Variants in NEGR1 observed in about 807,000 individuals in gnomAD.
NEGR1 encodes the protein IgLON family member 4.
NEGR1 carries 10 observed loss-of-function variants against 40.9 expected under a neutral mutation model. That is an observed-to-expected ratio of 0.24 (90% CI 0.15 to 0.42). The LOEUF is 0.42. Ranked by LOEUF, NEGR1 falls within the 10% of genes least tolerant of loss-of-function variation. The probability of loss-of-function intolerance (pLI) is 1.00; values close to 1 mark genes in which losing one functional copy is unlikely to be tolerated. For missense variants in NEGR1, 352 were observed against 438.9 expected, an observed-to-expected ratio of 0.80 and a Z score of 1.77; for synonymous variants, 185 against 166.8, an observed-to-expected ratio of 1.11 and a Z score of -0.84.
chr1:71,927,817 CT>C (rs1645789520), intron 2 of NEGR1, among the ~76,000 whole-genome samples: 1 of 33,298 alleles, frequency 3.0e-5, no homozygotes, highest in African/African-American at 1.9e-4. Flanking sequence ...GACCCAATCT[CT>C]AAAAAAAAAA....
rs1448933901 is a variant in NEGR1 at position 71,399,070 on chromosome 1, G to C, written c.*8376C>G. ...TGTCTCGGGTATATCTTTATCAGCA[G>C]TGTGAAAACTGACTAATATACCACT... On this transcript the variant is annotated 3_prime_UTR_variant, in exon 7 of 7. Transcript: ENST00000357731. 2 of 152,102 alleles carry C rather than the reference G, an allele frequency of 1.3e-5. No individual in the cohort carries two copies. Among genetic ancestry groups the C allele is most frequent in the African/African-American group, 4.8e-5 (2 of 41,402 alleles). 9.4% of individuals were successfully genotyped at this position (152,102 alleles called of 1,614,324 possible).
intron 2 of NEGR1, among the ~76,000 whole-genome samples, chr1:71,844,839 C>T (rs572044104): frequency 6.6e-6 from 1 of 152,142 alleles, no homozygotes; most frequent in Non-Finnish European, 1.5e-5. Flanking sequence ...AACCCCAGGA[C>T]AGAGATTGTC....
chr1:72,228,846 A>AGGGAGGTC, intron 1 of NEGR1, among the ~76,000 whole-genome samples: 1 of 152,100 alleles, frequency 6.6e-6, no homozygotes. Context: ...CTTCTTAAGG[A>AGGGAGGTC]GGGAGGTCAG....
intron 1 of NEGR1, among the ~76,000 whole-genome samples, chr1:72,020,126 G>T (rs977515657): frequency 7.2e-5 from 11 of 152,098 alleles, no homozygotes; most frequent in Non-Finnish European, 1.5e-5. Context: ...AAGCATCATC[G>T]ATTTTGAGAA....
intron 6 of NEGR1, among the ~76,000 whole-genome samples, chr1:71,454,674 G>C (rs535877333): frequency 1.1e-4 from 16 of 152,136 alleles, no homozygotes; most frequent in Non-Finnish European, 2.1e-4. Flanking sequence ...GGACCAGAAG[G>C]TCCAGCTTCA....
chr1:72,232,076 C>T (rs993582730), intron 1 of NEGR1, among the ~76,000 whole-genome samples: 1 of 151,984 alleles, frequency 6.6e-6, no homozygotes. Flanking sequence ...AGCTTTGGGG[C>T]CGGGCACAGT....
At chr1:71,485,159 T>C (rs999593266) in intron 6 of NEGR1, among the ~76,000 whole-genome samples, 1 of 151,738 alleles carries the variant, frequency 6.6e-6, no homozygotes, top group African/African-American at 2.4e-5. Context: ...ATTGTGTGTG[T>C]GAGGAGGTAA....
intron 3 of NEGR1, among the ~76,000 whole-genome samples, chr1:71,746,800 C>A (rs1184903424): frequency 1.8e-4 from 27 of 151,600 alleles, no homozygotes; most frequent in Admixed American, 1.8e-3. Context: ...ACACAGATTT[C>A]TAAAGTTTCC....
intron 6 of NEGR1, among the ~76,000 whole-genome samples, chr1:71,450,012 A>T (rs866293865): frequency 2.1e-5 from 3 of 145,262 alleles, no homozygotes; most frequent in Non-Finnish European, 4.5e-5. Flanking sequence ...TTTTTTTGAG[A>T]CGGAGTCTTG....
At chr1:71,589,546 T>A (rs997338711) in intron 6 of NEGR1, among the ~76,000 whole-genome samples, 1 of 152,104 alleles carries the variant, frequency 6.6e-6, no homozygotes, top group African/African-American at 2.4e-5. Context: ...AATTTCTACC[T>A]CCTTTTAAAA....
chr1:72,127,268 T>C (rs1379508906), intron 1 of NEGR1, among the ~76,000 whole-genome samples: 2 of 151,734 alleles, frequency 1.3e-5, no homozygotes, highest in Non-Finnish European at 2.9e-5. Flanking sequence ...ATTGAGACCA[T>C]CCTGGCTAAC....
intron 3 of NEGR1, among the ~76,000 whole-genome samples, chr1:71,734,066 G>T (rs1333230710): frequency 6.6e-6 from 1 of 152,170 alleles, no homozygotes; most frequent in African/African-American, 2.4e-5. Flanking sequence ...TTCACTTATT[G>T]TAGTACAGGA....
intron 3 of NEGR1, among the ~76,000 whole-genome samples, chr1:71,764,961 G>A (rs193281025): frequency 1.6e-4 from 25 of 152,144 alleles, no homozygotes; most frequent in African/African-American, 5.8e-4. Flanking sequence ...ACAAAAACCA[G>A]TGATGACCAG....
chr1:71,981,867 A>T (rs750971082), intron 1 of NEGR1, among the ~76,000 whole-genome samples: 1 of 152,176 alleles, frequency 6.6e-6, no homozygotes, highest in Non-Finnish European at 1.5e-5. Flanking sequence ...TATATTCATG[A>T]TATGAACTAT....
intron 1 of NEGR1, among the ~76,000 whole-genome samples, chr1:71,959,376 T>A (rs554650160): frequency 7.9e-5 from 12 of 152,306 alleles, no homozygotes; most frequent in Admixed American, 7.8e-4. Context: ...TTAAACAATA[T>A]TTCCTTGTTT....
chr1:71,866,837 GAAGAT>G (rs925430710), intron 2 of NEGR1, among the ~76,000 whole-genome samples: 2 of 152,172 alleles, frequency 1.3e-5, no homozygotes, highest in African/African-American at 4.8e-5. Flanking sequence ...TGCAGTGTCA[GAAGAT>G]AAGAAAGGTT....
intron 1 of NEGR1, among the ~76,000 whole-genome samples, chr1:72,042,471 A>T (rs1646964923): frequency 6.6e-6 from 1 of 152,016 alleles, no homozygotes; most frequent in African/African-American, 2.4e-5. Context: ...TACAACAAAA[A>T]CAATCAAGAA....
At chr1:72,229,239 T>G (rs1654281151) in intron 1 of NEGR1, among the ~76,000 whole-genome samples, 1 of 151,664 alleles carries the variant, frequency 6.6e-6, no homozygotes, top group Non-Finnish European at 1.5e-5. Context: ...CTACAATGAT[T>G]AGGTTGATCC....
intron 1 of NEGR1, among the ~76,000 whole-genome samples, chr1:72,128,808 C>A (rs1650129131): frequency 6.6e-6 from 1 of 152,102 alleles, no homozygotes; most frequent in African/African-American, 2.4e-5. Flanking sequence ...TGGTGTTTCT[C>A]AATTAGATTA....
Sources: allele counts gnomAD v4.1 joint callset (sites outside exome capture counted in the v4.1 genomes callset), GRCh38; gene constraint gnomAD v4.1.1; transcripts MANE v1.5; gene names NCBI Gene and HGNC (gene_info 2026-07-23, HGNC 2026-07-21).